Variants in DHRSX observed in about 807,000 individuals in gnomAD.
DHRSX encodes polyprenol dehydrogenase.
In DHRSX, 31 loss-of-function variants were observed where a neutral mutation model predicts 34.0. That is an observed-to-expected ratio of 0.91 (90% CI 0.69 to 1.23). The LOEUF (loss-of-function observed/expected upper bound fraction) is 1.23, where lower values mean the gene tolerates loss of function less well. Among genes scored for constraint, DHRSX ranks in the 50% most tolerant of loss-of-function variants. The pLI is 0.00. For synonymous variants in DHRSX, 201 were observed against 183.8 expected (o/e 1.09, Z -0.76); for missense variants, 414 against 428.1 (o/e 0.97, Z 0.29).
chrX:2,356,232 G>C (rs2083117320), intron 3 of DHRSX, among the ~76,000 whole-genome samples: 2 of 151,822 alleles, frequency 1.3e-5, no homozygotes, highest in South Asian at 4.2e-4. Context: ...AAATACAGCT[G>C]GGTGTGGTGG....
intron 1 of DHRSX, chrX:2,489,433 G>C (rs752527410): frequency 1.2e-6 from 2 of 1,613,922 alleles, no homozygotes; most frequent in Non-Finnish European, 1.7e-6. Context: ...TGGTGTTCAG[G>C]AGCATGTGCA....
chrX:2,491,835 G>A (rs1569347600), intron 1 of DHRSX, among the ~76,000 whole-genome samples: 1 of 152,170 alleles, frequency 6.6e-6, no homozygotes, highest in South Asian at 2.1e-4. Context: ...TCAGGCAGTC[G>A]GTGTGGAGGC....
intron 5 of DHRSX, chrX:2,261,423 C>T (rs1473425465): frequency 6.6e-6 from 1 of 151,996 alleles, no homozygotes; most frequent in Non-Finnish European, 1.5e-5. Flanking sequence ...AAGTAGCTGT[C>T]ATTTCTGTTG....
intron 6 of DHRSX, among the ~76,000 whole-genome samples, chrX:2,226,234 G>A (rs2015658116): frequency 1.3e-5 from 2 of 152,132 alleles, no homozygotes; most frequent in Admixed American, 6.6e-5. Context: ...CAGGAAACAG[G>A]CAATTATACC....
chrX:2,355,278 G>C (rs7063971), intron 3 of DHRSX, among the ~76,000 whole-genome samples: 1 of 151,596 alleles, frequency 6.6e-6, no homozygotes, highest in Admixed American at 6.6e-5. Context: ...TTGCGAAGCC[G>C]AGGACGACGG....
intron 3 of DHRSX, among the ~76,000 whole-genome samples, chrX:2,393,630 A>G (rs1446757354): frequency 3.4e-5 from 5 of 146,998 alleles, no homozygotes; most frequent in South Asian, 4.4e-4. Context: ...CGTCTCCTGC[A>G]CACACGACAC....
chrX:2,429,711 C>A (rs1324955449), intron 1 of DHRSX, among the ~76,000 whole-genome samples: 6 of 152,166 alleles, frequency 3.9e-5, no homozygotes, highest in South Asian at 2.1e-4. Flanking sequence ...CCACCCCGGC[C>A]TCCCAAAGAG....
intron 3 of DHRSX, among the ~76,000 whole-genome samples, chrX:2,324,535 AT>A (rs1355700511): frequency 1.3e-5 from 2 of 151,518 alleles, no homozygotes; most frequent in East Asian, 2.0e-4. Context: ...CAAGGGTTCC[AT>A]AACACTGGAT....
chrX:2,378,658 TA>T (rs909860804), intron 3 of DHRSX, among the ~76,000 whole-genome samples: 3 of 152,116 alleles, frequency 2.0e-5, no homozygotes, highest in African/African-American at 7.2e-5. Context: ...ATACATACTA[TA>T]TTTTTTTCTC....
chrX:2,468,285 G>A (rs923694116), intron 1 of DHRSX, among the ~76,000 whole-genome samples: 1 of 152,114 alleles, frequency 6.6e-6, no homozygotes, highest in Non-Finnish European at 1.5e-5. Flanking sequence ...GAAGAAGGAT[G>A]TGGACCGGGC....
intron 6 of DHRSX, among the ~76,000 whole-genome samples, chrX:2,226,694 G>A (rs867417571): frequency 2.2e-5 from 1 of 44,690 alleles, no homozygotes; most frequent in Non-Finnish European, 4.6e-5. Flanking sequence ...CCAGCTACTC[G>A]GGAGGCAGGA....
At chrX:2,323,360 G>A (rs185912894) in intron 3 of DHRSX, among the ~76,000 whole-genome samples, 3 of 152,024 alleles carry the variant, frequency 2.0e-5, no homozygotes, top group African/African-American at 4.8e-5. Context: ...GGGAAGAGTG[G>A]GTGTGGACAT....
In DHRSX at chrX:2,295,845, A is replaced by G. The variant is rs1602889395; in HGVS notation, c.287-4242T>C. 6.6e-5 allele frequency among the ~76,000 whole-genome samples: 10 copies of G among 152,300 alleles called. 1 individual carries two copies. The South Asian group carries it at 1.0e-3, about 16-fold the overall frequency. ...TCACGCGGTTCCGGCATGTGGCAAT[A>G]CCGAAGCACAAAGCTGGGGCGCATA... On this transcript the variant is annotated intron_variant, in intron 3 of 6. Coordinates refer to ENST00000334651, the MANE Select transcript of DHRSX (RefSeq NM_145177.3).
chrX:2,241,876 C>A (rs977015002), intron 6 of DHRSX, among the ~76,000 whole-genome samples: 4 of 152,108 alleles, frequency 2.6e-5, no homozygotes, highest in African/African-American at 9.7e-5. Flanking sequence ...CCACTGCACT[C>A]CACTCTGGGC....
chrX:2,332,883 A>C (rs1162696432), intron 3 of DHRSX, among the ~76,000 whole-genome samples: 3 of 152,188 alleles, frequency 2.0e-5, no homozygotes, highest in Non-Finnish European at 4.4e-5. Context: ...TGTATTCAGA[A>C]TGTACTCTGC....
intron 5 of DHRSX, among the ~76,000 whole-genome samples, chrX:2,250,845 C>G (rs1469265407): frequency 6.6e-6 from 1 of 152,104 alleles, no homozygotes; most frequent in East Asian, 1.9e-4. Context: ...GTTCTAATGC[C>G]TCTGAAAAAT....
At chrX:2,453,478 C>T (rs1295111017) in intron 1 of DHRSX, among the ~76,000 whole-genome samples, 1 of 151,572 alleles carries the variant, frequency 6.6e-6, no homozygotes, top group Non-Finnish European at 1.5e-5. Context: ...TCAAGACCAG[C>T]CTGAGCAACA....
In DHRSX at chrX:2,425,072, G is replaced by A. The variant is rs2043825151; in HGVS notation, c.217+125C>T. The A allele has an allele frequency of 6.4e-5, 45 of 701,104 alleles. No individual in the cohort carries two copies. In the South Asian group the frequency reaches 7.7e-4, roughly 12 times the overall value. The allele number at this position is 701,104 out of a possible 1,614,324, so 43.4% of individuals were successfully genotyped here. On this transcript the variant is annotated intron_variant, in intron 2 of 6. Coordinates refer to ENST00000334651, the MANE Select transcript of DHRSX (RefSeq NM_145177.3). ...GGAGAATCACTTTAACCCAGGAGGT[G>A]GAGGCTGCAGTGAGCCAAGATTGCA...
At chrX:2,477,988 G>A (rs1482922930) in intron 1 of DHRSX, among the ~76,000 whole-genome samples, 2 of 152,220 alleles carry the variant, frequency 1.3e-5, no homozygotes, top group African/African-American at 4.8e-5. Context: ...CGGATATAAA[G>A]AAACACACTA....
Sources: allele counts gnomAD v4.1 joint callset (sites outside exome capture counted in the v4.1 genomes callset), GRCh38; gene constraint gnomAD v4.1.1; transcripts MANE v1.5; gene names NCBI Gene and HGNC (gene_info 2026-07-23, HGNC 2026-07-21).